The following CNN3 variants were observed in gnomAD, a reference collection of about 807,000 sequenced individuals.
CNN3 encodes the protein calponin 3.
In CNN3, 11 loss-of-function variants were observed where a neutral mutation model predicts 39.0. The observed-to-expected ratio is 0.28, with a 90% CI of 0.18 to 0.47. The LOEUF (loss-of-function observed/expected upper bound fraction) is 0.47. Ranked by LOEUF, CNN3 falls within the 20% of genes least tolerant of loss-of-function variation. The pLI is 0.99. For missense variants in CNN3, 266 were observed against 403.4 expected (o/e 0.66, Z 2.92); for synonymous variants, 101 against 138.3 (o/e 0.73, Z 1.89).
intron 1 of CNN3, among the ~76,000 whole-genome samples, chr1:94,909,806 C>A (rs1671109946): frequency 6.6e-6 from 1 of 152,006 alleles, no homozygotes; most frequent in Non-Finnish European, 1.5e-5. Context: ...AGCTCGATTC[C>A]TGCGCTGTTG....
chr1:94,903,065 T>C, intron 3 of CNN3, 57 bp downstream of exon 3: 1 of 1,317,688 alleles, frequency 7.6e-7, no homozygotes, highest in Non-Finnish European at 1.0e-6. Context: ...TGAAATCAAG[T>C]TTTCACTACA....
At chr1:94,899,327 A>C (rs1223373705) in intron 6 of CNN3, 44 bp downstream of exon 6, 1 of 1,547,762 alleles carries the variant, frequency 6.5e-7, no homozygotes, top group South Asian at 1.2e-5. Flanking sequence ...TAATAAAAAT[A>C]AGGTAAGTGT....
intron 1 of CNN3, among the ~76,000 whole-genome samples, chr1:94,916,946 A>G (rs1021132317): frequency 3.3e-5 from 5 of 152,218 alleles, no homozygotes; most frequent in Non-Finnish European, 5.9e-5. Flanking sequence ...TGAATTCAAT[A>G]TATCATTAAA....
At chr1:94,914,387 C>A (rs961062650) in intron 1 of CNN3, among the ~76,000 whole-genome samples, 1 of 152,208 alleles carries the variant, frequency 6.6e-6, no homozygotes, top group African/African-American at 2.4e-5. Context: ...TCCACCTCAA[C>A]GTCATTGTCC....
intron 1 of CNN3, among the ~76,000 whole-genome samples, chr1:94,920,572 C>T (rs1288209420): frequency 2.0e-5 from 3 of 152,096 alleles, no homozygotes; most frequent in African/African-American, 7.2e-5. Flanking sequence ...TCTGATTTCT[C>T]CCAACAACCC....
At chr1:94,910,490 C>T (rs1398285707) in intron 1 of CNN3, among the ~76,000 whole-genome samples, 1 of 152,206 alleles carries the variant, frequency 6.6e-6, no homozygotes, top group Non-Finnish European at 1.5e-5. Context: ...TTCCTCCTCT[C>T]CTTCCTTCTC....
At chr1:94,918,493 CAAAAAAAATAAAATA>C (rs748299257) in intron 1 of CNN3, among the ~76,000 whole-genome samples, 2 of 29,962 alleles carry the variant, frequency 6.7e-5, no homozygotes, top group East Asian at 6.9e-4. Flanking sequence ...GACTGTCTCC[CAAAAAAAATAAAATA>C]AAAAAAAAAA....
At position 94,898,359 on chromosome 1, in the gene CNN3, G is replaced by T. The variant is rs367920311; in HGVS notation, c.649-276C>A. Reference sequence around the variant, plus strand: ...CTCAAACACGTAAATTTAGCTTTAGGTTTCTCAAACTGCAAAATGGAGACA... The same window carrying T: ...CTCAAACACGTAAATTTAGCTTTAGTTTTCTCAAACTGCAAAATGGAGACA... On this transcript the variant is annotated intron_variant, in intron 6 of 6. Coordinates refer to ENST00000370206, the MANE Select transcript of CNN3 (RefSeq NM_001839.5). Among the ~76,000 whole-genome samples the T allele has an allele frequency of 1.2e-4, 18 of 152,212 alleles. No individual in the cohort carries two copies. The East Asian group carries it at 3.5e-3, about 29-fold the overall frequency.
At position 94,899,425 on chromosome 1, in the gene CNN3, A is replaced by G; in HGVS notation, c.594T>C (p.Pro198=). 2.5e-6 allele frequency: 4 copies of G among 1,614,072 alleles called. No individual in the cohort carries two copies. The highest frequency in any genetic ancestry group is 3.4e-6 in the Non-Finnish European group (4 of 1,179,976). ...LYDPKMQTDK[P]FDQTTISLQM... ...GCAGACTAATTGTGGTCTGGTCAAA[A>G]GGTTTGTCAGTTTGCATTTTGGGAT... The change falls in exon 6 of 7, where the codon CCT becomes CCC. Residue 198 remains proline (P), a synonymous_variant. Transcript: ENST00000370206.
rs903739586 is a variant in CNN3 at position 94,926,420 on chromosome 1, G to C, written c.57+418C>G. ...ACCCGGGGCCCGGGCAGATGGCGGGGGCTGCGGCAGCGGCTCGCCGGGTCC... is the reference window on the plus strand; with the variant it reads ...ACCCGGGGCCCGGGCAGATGGCGGGCGCTGCGGCAGCGGCTCGCCGGGTCC... On this transcript the variant is annotated intron_variant, in intron 1 of 6. Coordinates refer to ENST00000370206, the MANE Select transcript of CNN3 (RefSeq NM_001839.5). This position sits in a 1 kb window ranked among gnomAD's most constrained non-coding sequence, Gnocchi z 4.2. Among the ~76,000 whole-genome samples, 1 of 152,180 alleles carries C rather than the reference G, an allele frequency of 6.6e-6. No individual in the cohort carries two copies. Among genetic ancestry groups the C allele is most frequent in the Non-Finnish European group, 1.5e-5 (1 of 68,016 alleles).
At chr1:94,911,614 C>T (rs999258799) in intron 1 of CNN3, among the ~76,000 whole-genome samples, 2 of 152,026 alleles carry the variant, frequency 1.3e-5, no homozygotes, top group African/African-American at 4.8e-5. Context: ...ACAAAACCCA[C>T]AAAAATTAGC....
At chr1:94,904,030 AACAC>A (rs146479903) in intron 1 of CNN3, among the ~76,000 whole-genome samples, 2 of 151,560 alleles carry the variant, frequency 1.3e-5, no homozygotes, top group Non-Finnish European at 2.9e-5. Context: ...CTATATACTA[AACAC>A]ACACACACAC....
chr1:94,912,256 C>T (rs2101730782), intron 1 of CNN3, among the ~76,000 whole-genome samples: 1 of 152,210 alleles, frequency 6.6e-6, no homozygotes, highest in Non-Finnish European at 1.5e-5. Context: ...AAGTTCAAAT[C>T]TAAACAAGGA....
At chr1:94,906,462 G>A (rs1021733974) in intron 1 of CNN3, among the ~76,000 whole-genome samples, 2 of 139,538 alleles carry the variant, frequency 1.4e-5, no homozygotes, top group African/African-American at 5.6e-5. Context: ...CTAATTGTAA[G>A]GTGATTTTTT....
At position 94,926,970 on chromosome 1, in the gene CNN3, G is replaced by T; in HGVS notation, c.-76C>A. 6.7e-7 allele frequency: 1 copy of T among 1,493,546 alleles called. No homozygotes were observed. The highest frequency in any genetic ancestry group is 1.8e-4 in the Middle Eastern group (1 of 5,666). The allele number at this position is 1,493,546 out of a possible 1,614,324, so 92.5% of individuals were successfully genotyped here. On this transcript the variant is annotated 5_prime_UTR_variant, in exon 1 of 7. Transcript: ENST00000370206. This position sits in a 1 kb window ranked among gnomAD's most constrained non-coding sequence, Gnocchi z 4.2. The stretch of plus-strand genomic sequence containing the variant: ...ACTTCGCTTCCCCGCTCCTGGCCCC[G>T]AGGAGTGGCCGCCGCGGGGGATGCT...
At chr1:94,901,135 C>T (rs1670851649) in intron 5 of CNN3, among the ~76,000 whole-genome samples, 1 of 152,030 alleles carries the variant, frequency 6.6e-6, no homozygotes, top group African/African-American at 2.4e-5. Flanking sequence ...GGGCAGATCA[C>T]CTGAGGTCAG....
At chr1:94,911,836 G>A (rs1236111230) in intron 1 of CNN3, among the ~76,000 whole-genome samples, 2 of 152,146 alleles carry the variant, frequency 1.3e-5, no homozygotes, top group African/African-American at 4.8e-5. Context: ...TTGGGAGGCC[G>A]AGGCAGATGG....
chr1:94,910,865 C>G (rs1210153376), intron 1 of CNN3, among the ~76,000 whole-genome samples: 2 of 152,158 alleles, frequency 1.3e-5, no homozygotes, highest in Non-Finnish European at 2.9e-5. Context: ...CTTGTTCAAT[C>G]CATTGTTTGC....
intron 1 of CNN3, among the ~76,000 whole-genome samples, chr1:94,911,365 A>T (rs763850121): frequency 6.6e-6 from 1 of 152,262 alleles, no homozygotes; most frequent in Non-Finnish European, 1.5e-5. Context: ...CTTCAGATCA[A>T]GGTATCAGCA....
Sources: allele counts gnomAD v4.1 joint callset (sites outside exome capture counted in the v4.1 genomes callset), GRCh38; gene constraint gnomAD v4.1.1; non-coding constraint Gnocchi (gnomAD v3.1); transcripts MANE v1.5; gene names NCBI Gene and HGNC (gene_info 2026-07-23, HGNC 2026-07-21).